Variants in IFT43 observed in about 807,000 individuals in gnomAD.
The protein encoded by IFT43 is intraflagellar transport protein 43 homolog.
IFT43 carries 33 observed loss-of-function variants against 32.3 expected under a neutral mutation model. The observed-to-expected ratio is 1.02, with a 90% CI of 0.77 to 1.37. The LOEUF is 1.37. Ranked by LOEUF, IFT43 falls within the 40% of genes most tolerant of loss-of-function variation. The pLI, the probability that IFT43 is intolerant of heterozygous loss-of-function variation, is 0.00. For missense variants in IFT43, 274 were observed against 265.9 expected, an observed-to-expected ratio of 1.03 and a Z score of -0.21; for synonymous variants, 93 against 98.2, an observed-to-expected ratio of 0.95 and a Z score of 0.31.
intron 2 of IFT43, among the ~76,000 whole-genome samples, chr14:75,999,177 CCATT>C (rs910466078): frequency 1.1e-5 from 1 of 88,588 alleles, no homozygotes; most frequent in African/African-American, 4.6e-5. Flanking sequence ...TTTGCTTTGC[CCATT>C]CATTCATTTA....
At chr14:75,989,374 T>G (rs1468958337) in intron 2 of IFT43, among the ~76,000 whole-genome samples, 1 of 152,032 alleles carries the variant, frequency 6.6e-6, no homozygotes, top group East Asian at 1.9e-4. Flanking sequence ...TTCTACAGTC[T>G]TCCGGCAGGA....
chr14:76,026,461 G>A (rs1433515745), intron 3 of IFT43, among the ~76,000 whole-genome samples: 3 of 151,646 alleles, frequency 2.0e-5, no homozygotes, highest in Non-Finnish European at 4.4e-5. Flanking sequence ...AGGAGACCAA[G>A]GCAGTAGAAT....
chr14:76,065,618 CT>C (rs112747295), intron 5 of IFT43, among the ~76,000 whole-genome samples: 90 of 146,488 alleles, frequency 6.1e-4, no homozygotes, highest in African/African-American at 2.1e-3. Flanking sequence ...TTGCACCTGG[CT>C]TTTTTTTTTC....
chr14:76,075,925 C>G (rs544250725), intron 5 of IFT43, among the ~76,000 whole-genome samples: 10 of 152,184 alleles, frequency 6.6e-5, no homozygotes, highest in Non-Finnish European at 1.5e-4. Context: ...CCTAAAAACA[C>G]GGGCATTGTT....
chr14:76,067,468 G>A (rs1019042747), intron 5 of IFT43, among the ~76,000 whole-genome samples: 2 of 152,028 alleles, frequency 1.3e-5, no homozygotes, highest in African/African-American at 2.4e-5. Flanking sequence ...TACTCAGGAG[G>A]CTGAGGCAGG....
At chr14:75,997,840 C>T (rs1006297025) in intron 2 of IFT43, among the ~76,000 whole-genome samples, 2 of 152,192 alleles carry the variant, frequency 1.3e-5, no homozygotes, top group Non-Finnish European at 2.9e-5. Context: ...TAACTGGTCC[C>T]TCCTCTTATA....
At chr14:76,081,807 C>T (rs1423199399) in intron 5 of IFT43, among the ~76,000 whole-genome samples, 5 of 152,124 alleles carry the variant, frequency 3.3e-5, no homozygotes, top group African/African-American at 7.2e-5. Flanking sequence ...GATTGCACTG[C>T]GGGGCTAATG....
At chr14:76,022,556 T>G in intron 3 of IFT43, 162 bp downstream of exon 3, 2 of 546,190 alleles carry the variant, frequency 3.7e-6, no homozygotes. Context: ...TCTTAATATA[T>G]TCACAGAGTT....
At chr14:76,017,793 C>A (rs1246433518) in intron 2 of IFT43, among the ~76,000 whole-genome samples, 1 of 152,024 alleles carries the variant, frequency 6.6e-6, no homozygotes, top group Non-Finnish European at 1.5e-5. Flanking sequence ...TTGTACGTGT[C>A]CAGGAATTTG....
chr14:76,057,710 G>A (rs910005292), intron 3 of IFT43, among the ~76,000 whole-genome samples: 4 of 152,210 alleles, frequency 2.6e-5, no homozygotes, highest in East Asian at 1.9e-4. Flanking sequence ...GCCATTTGCC[G>A]CCCTTTGCCC....
chr14:76,037,453 T>G (rs2036622099), intron 3 of IFT43, among the ~76,000 whole-genome samples: 1 of 152,260 alleles, frequency 6.6e-6, no homozygotes. Context: ...AAGTGATGAC[T>G]GTCTAATTTC....
intron 5 of IFT43, among the ~76,000 whole-genome samples, chr14:76,067,032 G>A (rs1193507965): frequency 6.6e-6 from 1 of 152,218 alleles, no homozygotes; most frequent in African/African-American, 2.4e-5. Context: ...TTCTGATCCA[G>A]TGAGGAAATG....
At chr14:76,074,028 C>T (rs1295395076) in intron 5 of IFT43, among the ~76,000 whole-genome samples, 5 of 151,900 alleles carry the variant, frequency 3.3e-5, no homozygotes, top group South Asian at 4.2e-4. Context: ...GGGGGTGTCA[C>T]GGGTGGCACT....
chr14:76,001,000 T>C (rs1319162731), intron 2 of IFT43, among the ~76,000 whole-genome samples: 3 of 152,188 alleles, frequency 2.0e-5, no homozygotes, highest in Non-Finnish European at 4.4e-5. Context: ...ATAACAGATA[T>C]GGGGGTCATC....
intron 2 of IFT43, among the ~76,000 whole-genome samples, chr14:76,009,049 G>A (rs1042088552): frequency 5.3e-5 from 8 of 152,154 alleles, no homozygotes; most frequent in Non-Finnish European, 8.8e-5. Flanking sequence ...TGCCCTTGCC[G>A]GGTCTTATAT....
chr14:75,991,999 A>G (rs1402162311), intron 2 of IFT43, among the ~76,000 whole-genome samples: 3 of 152,130 alleles, frequency 2.0e-5, no homozygotes, highest in Non-Finnish European at 2.9e-5. Flanking sequence ...TGATATATTT[A>G]TTTTTGTCCT....
At chr14:76,073,248 G>A (rs1416380139) in intron 5 of IFT43, among the ~76,000 whole-genome samples, 1 of 152,212 alleles carries the variant, frequency 6.6e-6, no homozygotes, top group African/African-American at 2.4e-5. Flanking sequence ...TAAATAGAAG[G>A]CTGTGGTTCA....
chr14:75,999,248 TATATATATATATATATA>T (rs2035814462), intron 2 of IFT43, among the ~76,000 whole-genome samples: 14 of 12,606 alleles, frequency 1.1e-3, no homozygotes, highest in African/African-American at 4.6e-3. Flanking sequence ...TATATATATA[TATATATATATATATATA>T]TATATATGTA....
rs760522548 is a variant in IFT43, at chr14:76,083,446, CCTT to C, written c.508-8_508-6del. On this transcript the variant is annotated splice_polypyrimidine_tract_variant and intron_variant, in intron 8 of 8. Coordinates refer to ENST00000314067, the MANE Select transcript of IFT43 (RefSeq NM_001102564.3). ...CTTTCTTTGTCTTACCCAGCGAAAC[CCTT>C]CTTGGCAGGATGATGTCGGCTGGGA... The C allele has an allele frequency of 1.2e-6, 2 of 1,614,142 alleles. No homozygotes were observed. Among genetic ancestry groups the C allele is most frequent in the Admixed American group, 3.3e-5 (2 of 60,024 alleles).
Sources: gnomAD v4.1 joint callset for allele counts (sites outside exome capture counted in the v4.1 genomes callset) on GRCh38, gnomAD v4.1.1 for gene constraint, MANE v1.5 for transcripts, NCBI Gene and HGNC (gene_info 2026-07-23, HGNC 2026-07-21) for gene names.